Variants in EPB41L3 observed in about 807,000 individuals in gnomAD.
The protein encoded by EPB41L3 is erythrocyte membrane protein band 4.1 like 3.
EPB41L3 carries 57 observed loss-of-function variants against 127.1 expected under a neutral mutation model. The observed-to-expected ratio is 0.45, with a 90% CI of 0.36 to 0.56. EPB41L3 has a LOEUF of 0.56. Among genes scored for constraint, EPB41L3 ranks in the 20% least tolerant of loss-of-function variants. The pLI, the probability that EPB41L3 is intolerant of heterozygous loss-of-function variation, is 0.00. For missense variants in EPB41L3, 1,273 were observed against 1,372.2 expected (o/e 0.93, Z 1.14); for synonymous variants, 572 against 549.5 (o/e 1.04, Z -0.57).
At chr18:5,425,608 A>C (rs2078062147) in intron 9 of EPB41L3, among the ~76,000 whole-genome samples, 1 of 152,152 alleles carries the variant, frequency 6.6e-6, no homozygotes, top group Admixed American at 6.5e-5. Flanking sequence ...ATAGGTATTA[A>C]TAGTTTATTA....
chr18:5,593,451 G>A (rs966074455), intron 3 of EPB41L3, among the ~76,000 whole-genome samples: 12 of 152,088 alleles, frequency 7.9e-5, no homozygotes, highest in African/African-American at 2.2e-4. Flanking sequence ...GGGAGTGTAC[G>A]AATAGGGTGT....
At chr18:5,532,782 C>T (rs1011761446) in intron 1 of EPB41L3, among the ~76,000 whole-genome samples, 6 of 151,992 alleles carry the variant, frequency 3.9e-5, no homozygotes, top group African/African-American at 1.5e-4. Flanking sequence ...AGATAAGGCG[C>T]CTAGGGGATT....
chr18:5,536,264 G>A (rs969608116), intron 1 of EPB41L3, among the ~76,000 whole-genome samples: 5 of 151,338 alleles, frequency 3.3e-5, no homozygotes, highest in Admixed American at 3.3e-4. Context: ...TAAATATCCT[G>A]TTTTACCACA....
intron 1 of EPB41L3, among the ~76,000 whole-genome samples, chr18:5,509,476 C>T (rs1372568197): frequency 6.6e-6 from 1 of 152,182 alleles, no homozygotes; most frequent in Non-Finnish European, 1.5e-5. Flanking sequence ...AAACATTAAT[C>T]TTCCTATTTC....
chr18:5,568,373 C>A, intron 3 of EPB41L3, among the ~76,000 whole-genome samples: 1 of 150,634 alleles, frequency 6.6e-6, no homozygotes. Flanking sequence ...CCATCCATTC[C>A]CCAAGAGCTT....
chr18:5,525,565 T>C (rs1392796161), intron 1 of EPB41L3, among the ~76,000 whole-genome samples: 2 of 152,192 alleles, frequency 1.3e-5, no homozygotes, highest in East Asian at 3.8e-4. Flanking sequence ...TGGGATTATA[T>C]GTAGAGATTA....
intron 13 of EPB41L3, among the ~76,000 whole-genome samples, chr18:5,415,163 ATGCCGT>A (rs1462947247): frequency 1.3e-5 from 2 of 152,248 alleles, no homozygotes; most frequent in African/African-American, 4.8e-5. Context: ...GCTGCACTGC[ATGCCGT>A]TGCTTCTGGG....
At chr18:5,452,486 C>A (rs1454775559) in intron 3 of EPB41L3, among the ~76,000 whole-genome samples, 1 of 151,954 alleles carries the variant, frequency 6.6e-6, no homozygotes, top group African/African-American at 2.4e-5. Context: ...TCCTCCCACC[C>A]CAGTCTCCCA....
rs1350061616 is a variant in EPB41L3, at chr18:5,407,666, TG to T, written c.2157+34del. 4 of 1,608,694 alleles carry T rather than the reference TG, an allele frequency of 2.5e-6. No individual in the cohort carries two copies. In the Admixed American group the frequency reaches 5.0e-5, roughly 20 times the overall value. On this transcript the variant is annotated intron_variant, in intron 15 of 22. Coordinates refer to ENST00000341928, the MANE Select transcript of EPB41L3 (RefSeq NM_012307.5). Reference sequence around the variant, plus strand: ...GACTTATCACACACTGTTGTTTTGTTGTTGTTGTTGTTTGTTTTATTTTTAA... The same window carrying T: ...GACTTATCACACACTGTTGTTTTGTTTTGTTGTTGTTTGTTTTATTTTTAA...
intron 6 of EPB41L3, among the ~76,000 whole-genome samples, chr18:5,436,772 A>G (rs929311304): frequency 2.0e-5 from 3 of 152,242 alleles, no homozygotes; most frequent in African/African-American, 7.2e-5. Flanking sequence ...TAGCCAAAAT[A>G]AAACAGTTCT....
At chr18:5,436,403 C>CTTTTTTTTTTTTTT (rs34862547) in intron 6 of EPB41L3, among the ~76,000 whole-genome samples, 1 of 100,646 alleles carries the variant, frequency 9.9e-6, no homozygotes, top group Non-Finnish European at 2.0e-5. Context: ...CATTTTCTTT[C>CTTTTTTTTTTTTTT]TTTTTTTTTT....
chr18:5,458,822 G>GT (rs1392335777), intron 3 of EPB41L3, among the ~76,000 whole-genome samples: 2 of 152,094 alleles, frequency 1.3e-5, no homozygotes, highest in Non-Finnish European at 2.9e-5. Flanking sequence ...AACTGGGCAC[G>GT]TATTTTGCTT....
chr18:5,567,696 C>T (rs1010583072), intron 3 of EPB41L3, among the ~76,000 whole-genome samples: 6 of 152,048 alleles, frequency 3.9e-5, no homozygotes, highest in South Asian at 2.1e-4. Context: ...TTCATTTTAG[C>T]AATATGTAAT....
chr18:5,510,842 G>A (rs2092474495), intron 1 of EPB41L3, among the ~76,000 whole-genome samples: 1 of 151,944 alleles, frequency 6.6e-6, no homozygotes, highest in Non-Finnish European at 1.5e-5. Context: ...ATTTTATCTG[G>A]TAAAATCATT....
At chr18:5,540,941 C>T (rs999700848) in intron 1 of EPB41L3, among the ~76,000 whole-genome samples, 1 of 151,918 alleles carries the variant, frequency 6.6e-6, no homozygotes, top group Non-Finnish European at 1.5e-5. Context: ...AAAAATTAGC[C>T]GGGCGTGGTG....
intron 3 of EPB41L3, among the ~76,000 whole-genome samples, chr18:5,455,287 C>T (rs887280889): frequency 2.7e-5 from 4 of 150,028 alleles, no homozygotes; most frequent in African/African-American, 9.8e-5. Context: ...CATACCATTA[C>T]TCTTACGAAA....
At chr18:5,448,205 C>T (rs28498693) in intron 3 of EPB41L3, among the ~76,000 whole-genome samples, 29,630 of 152,110 alleles carry the variant, frequency 0.19, 3,672 homozygotes, top group Non-Finnish European at 0.27. Context: ...GCACTCTCTC[C>T]CATTGCACCC....
intron 3 of EPB41L3, among the ~76,000 whole-genome samples, chr18:5,460,224 G>C (rs1193953311): frequency 6.6e-6 from 1 of 152,212 alleles, no homozygotes; most frequent in African/African-American, 2.4e-5. Context: ...GACTGGATCA[G>C]TGGGTTCATG....
intron 1 of EPB41L3, among the ~76,000 whole-genome samples, chr18:5,511,185 C>G (rs2092491594): frequency 6.6e-6 from 1 of 151,988 alleles, no homozygotes; most frequent in Non-Finnish European, 1.5e-5. Context: ...CCACTTCTTC[C>G]TGCCTGCAGT....
Sources: gnomAD v4.1 joint callset for allele counts (sites outside exome capture counted in the v4.1 genomes callset) on GRCh38, gnomAD v4.1.1 for gene constraint, MANE v1.5 for transcripts, NCBI Gene and HGNC (gene_info 2026-07-23, HGNC 2026-07-21) for gene names.